The following MTAP variants were observed in gnomAD, a reference collection of about 807,000 sequenced individuals.
The protein encoded by MTAP is methylthioadenosine phosphorylase, also known as S-methyl-5'-thioadenosine phosphorylase.
A neutral mutation model predicts 33.6 loss-of-function variants in MTAP; 33 were observed. That is an observed-to-expected ratio of 0.98 (90% confidence interval 0.74 to 1.31). The LOEUF (loss-of-function observed/expected upper bound fraction) is 1.31, where lower values mean the gene tolerates loss of function less well. MTAP is among the 40% of genes most tolerant of loss of function. MTAP has a pLI of 0.00. For synonymous variants in MTAP, 148 were observed against 125.7 expected (o/e 1.18, Z -1.19); for missense variants, 367 against 360.0 (o/e 1.02, Z -0.16).
At chr9:21,815,748 TA>T (rs1409775653) in intron 2 of MTAP, 1 of 506,630 alleles carries the variant, frequency 2.0e-6, no homozygotes, top group East Asian at 3.7e-5. Flanking sequence ...ACTTAGTATG[TA>T]AATCACTTCT....
At chr9:21,880,527 A>G (rs1406517705) in intron 1 of MTAP, among the ~76,000 whole-genome samples, 1 of 152,096 alleles carries the variant, frequency 6.6e-6, no homozygotes, top group East Asian at 1.9e-4. Flanking sequence ...CTAAACGACA[A>G]CTAGAACTAA....
At chr9:21,853,977 G>T (rs1294595509) in intron 5 of MTAP, among the ~76,000 whole-genome samples, 4 of 152,116 alleles carry the variant, frequency 2.6e-5, no homozygotes, top group Non-Finnish European at 5.9e-5. Context: ...CTGGAGAAAA[G>T]GATCGAACTT....
At chr9:21,883,133 A>G (rs1470442689) in intron 1 of MTAP, among the ~76,000 whole-genome samples, 1 of 152,012 alleles carries the variant, frequency 6.6e-6, no homozygotes, top group Non-Finnish European at 1.5e-5. Context: ...CTGAAAAAAA[A>G]AACAAAAACT....
intron 5 of MTAP, among the ~76,000 whole-genome samples, chr9:21,850,258 G>T (rs2118463913): frequency 6.6e-6 from 1 of 152,258 alleles, no homozygotes; most frequent in Middle Eastern, 3.4e-3. Context: ...AGTGGTGTGG[G>T]GCCTGTGGAG....
chr9:21,891,196 A>G (rs1818195927), intron 1 of MTAP, among the ~76,000 whole-genome samples: 1 of 152,134 alleles, frequency 6.6e-6, no homozygotes, highest in South Asian at 2.1e-4. Flanking sequence ...ATGAAAAAGA[A>G]CCAGAAGAAA....
At chr9:21,918,335 A>G (rs7030462) in intron 1 of MTAP, among the ~76,000 whole-genome samples, 1,440 of 107,672 alleles carry the variant, frequency 0.013, 77 homozygotes, top group African/African-American at 0.071. Flanking sequence ...GGGCGACAGA[A>G]CGAGACTCCG....
intron 1 of MTAP, among the ~76,000 whole-genome samples, chr9:21,813,172 C>A (rs1824393859): frequency 1.3e-5 from 2 of 152,244 alleles, no homozygotes; most frequent in Admixed American, 6.5e-5. Context: ...CAGGTGGCGA[C>A]ATTGGCCACA....
chr9:21,811,008 G>A (rs1057222273), intron 1 of MTAP, among the ~76,000 whole-genome samples: 4 of 151,974 alleles, frequency 2.6e-5, no homozygotes, highest in Non-Finnish European at 5.9e-5. Flanking sequence ...GAGGGCCTCC[G>A]TCTGCTGTGC....
chr9:21,802,839 G>T, intron 1 of MTAP, 58 bp downstream of exon 1: 5 of 1,603,170 alleles, frequency 3.1e-6, no homozygotes, highest in African/African-American at 1.4e-5. Flanking sequence ...TCTCGCCCCC[G>T]CGCCGGGGGA....
Position 21,914,443 on chromosome 9 carries a change from A to G in MTAP, c.148-16565A>G, listed in dbSNP as rs556986072. Among the ~76,000 whole-genome samples the G allele has an allele frequency of 2.2e-4, 34 of 152,262 alleles. 1 individual carries two copies. In the South Asian group the frequency reaches 6.4e-3, roughly 29 times the overall value. On this transcript the variant is annotated intron_variant, in intron 1 of 1. Coordinates refer to the MTAP transcript ENST00000577563. ...TTGTACATATACACCATGGAATACTATGCAGCCATAAAAAAGGATGAGTTC... is the reference window on the plus strand; with the variant it reads ...TTGTACATATACACCATGGAATACTGTGCAGCCATAAAAAAGGATGAGTTC...
downstream of MTAP, among the ~76,000 whole-genome samples, chr9:21,870,071 G>C (rs1435412847): frequency 6.6e-6 from 1 of 151,978 alleles, no homozygotes; most frequent in Non-Finnish European, 1.5e-5. Context: ...CTTCTACCTG[G>C]AACACTCTCC....
intron 1 of MTAP, among the ~76,000 whole-genome samples, chr9:21,873,884 TTAA>T (rs1825969868): frequency 2.0e-5 from 3 of 152,300 alleles, no homozygotes; most frequent in East Asian, 1.9e-4. Context: ...TGTTCTTGGT[TTAA>T]TAATCATTTT....
intron 4 of MTAP, among the ~76,000 whole-genome samples, chr9:21,820,474 AG>A (rs1462686293): frequency 6.6e-6 from 1 of 152,098 alleles, no homozygotes; most frequent in African/African-American, 2.4e-5. Context: ...ATTATTTCTG[AG>A]GGCTCTGTTC....
At chr9:21,908,062 T>G (rs967742288) in intron 1 of MTAP, among the ~76,000 whole-genome samples, 9 of 152,130 alleles carry the variant, frequency 5.9e-5, no homozygotes, top group Non-Finnish European at 1.2e-4. Context: ...ATACAGAACA[T>G]TTCATTCACC....
chr9:21,905,682 A>G (rs1370843985), intron 1 of MTAP, among the ~76,000 whole-genome samples: 1 of 152,210 alleles, frequency 6.6e-6, no homozygotes, highest in Non-Finnish European at 1.5e-5. Flanking sequence ...GAAAAACAGC[A>G]CTAAGAGAGA....
chr9:21,916,323 A>C (rs1431363295), intron 1 of MTAP, among the ~76,000 whole-genome samples: 1 of 152,108 alleles, frequency 6.6e-6, no homozygotes, highest in Non-Finnish European at 1.5e-5. Flanking sequence ...GAAATGAGAC[A>C]TTTTAGCTGG....
At chr9:21,911,312 T>G (rs7874089) in intron 1 of MTAP, among the ~76,000 whole-genome samples, 1 of 151,854 alleles carries the variant, frequency 6.6e-6, no homozygotes, top group Non-Finnish European at 1.5e-5. Flanking sequence ...CCACCCCAAA[T>G]CAACAGAATA....
In MTAP at chr9:21,865,168, A is replaced by G. The variant is rs2118606384; in HGVS notation, c.*3154A>G. 2.3e-6 allele frequency: 2 copies of G among 869,416 alleles called. No homozygotes were observed. Among genetic ancestry groups the G allele is most frequent in the Non-Finnish European group, 2.8e-6 (2 of 724,380 alleles). 53.9% of individuals were successfully genotyped at this position (869,416 alleles called of 1,614,324 possible). On this transcript the variant is annotated 3_prime_UTR_variant, in exon 8 of 8. Transcript: ENST00000644715. Reference sequence around the variant, plus strand: ...GGGAGGGACCCAGTGGGAGGTAATTAAATCATGGGGGTGGTTACCCCCACA... The same window carrying G: ...GGGAGGGACCCAGTGGGAGGTAATTGAATCATGGGGGTGGTTACCCCCACA...
intron 1 of MTAP, chr9:21,808,894 A>G (rs1195836287): frequency 6.6e-6 from 1 of 152,284 alleles, no homozygotes; most frequent in Non-Finnish European, 1.5e-5. Flanking sequence ...AGGGAAGACC[A>G]TGTGAAGACA....
Sources: gnomAD v4.1 joint callset for allele counts (sites outside exome capture counted in the v4.1 genomes callset) on GRCh38, gnomAD v4.1.1 for gene constraint, MANE v1.5 for transcripts, NCBI Gene and HGNC (gene_info 2026-07-23, HGNC 2026-07-21) for gene names.